Variants in RGL1 observed in about 807,000 individuals in gnomAD.
The protein encoded by RGL1 is ral guanine nucleotide dissociation stimulator like 1, also known as ral guanine nucleotide dissociation stimulator-like 1.
In RGL1, 24 loss-of-function variants were observed where a neutral mutation model predicts 95.2. The observed-to-expected ratio is 0.25, with a 90% CI of 0.18 to 0.35. The LOEUF (loss-of-function observed/expected upper bound fraction) is 0.35, where lower values mean the gene tolerates loss of function less well. Ranked by LOEUF, RGL1 falls within the 10% of genes least tolerant of loss-of-function variation. RGL1 has a pLI of 1.00. For synonymous variants in RGL1, 329 were observed against 344.9 expected (o/e 0.95, Z 0.51); for missense variants, 715 against 936.3 (o/e 0.76, Z 3.08).
chr1:183,676,093 G>A (rs959876195), intron 1 of RGL1, among the ~76,000 whole-genome samples: 1 of 152,148 alleles, frequency 6.6e-6, no homozygotes, highest in Non-Finnish European at 1.5e-5. Flanking sequence ...GTTGCAATAA[G>A]CTGTGATTGC....
chr1:183,822,516 T>C (rs1662559154), intron 2 of RGL1, among the ~76,000 whole-genome samples: 1 of 152,174 alleles, frequency 6.6e-6, no homozygotes, highest in South Asian at 2.1e-4. Flanking sequence ...CTTTTGCCTC[T>C]ACTTTGCTTG....
rs540864719 is a variant in RGL1, at chr1:183,829,017, C to T, written c.139-18549C>T. Among the ~76,000 whole-genome samples the T allele has an allele frequency of 1.3e-4, 20 of 152,254 alleles. 1 individual carries two copies. Among genetic ancestry groups the T allele is most frequent in the African/African-American group, 4.6e-4 (19 of 41,544 alleles). ...ATAGGAATTTCTCTAATATTGTTAC[C>T]ATGGTTCTTAATCATCAATGCTTGT... On this transcript the variant is annotated intron_variant, in intron 2 of 17. Transcript: ENST00000360851.
intron 1 of RGL1, among the ~76,000 whole-genome samples, chr1:183,673,813 A>C (rs1341254762): frequency 6.6e-6 from 1 of 152,148 alleles, no homozygotes; most frequent in Non-Finnish European, 1.5e-5. Flanking sequence ...TGCCTAAACC[A>C]AGTGTGAACT....
chr1:183,915,407 C>G (rs1668900293), intron 15 of RGL1, among the ~76,000 whole-genome samples: 2 of 152,064 alleles, frequency 1.3e-5, no homozygotes, highest in South Asian at 4.1e-4. Context: ...GTACCTCTTC[C>G]AATAACTTCT....
chr1:183,855,551 G>A (rs542088826), intron 3 of RGL1, among the ~76,000 whole-genome samples: 1 of 152,178 alleles, frequency 6.6e-6, no homozygotes, highest in Non-Finnish European at 1.5e-5. Context: ...TTCAGTAAGA[G>A]GCAAGGTTTC....
chr1:183,883,943 C>A, intron 6 of RGL1, 33 bp downstream of exon 6: 4 of 1,610,218 alleles, frequency 2.5e-6, no homozygotes, highest in South Asian at 1.1e-5. Context: ...GATGTACTTT[C>A]ACTTAAAACA....
intron 2 of RGL1, among the ~76,000 whole-genome samples, chr1:183,838,541 G>A (rs1039854648): frequency 6.6e-5 from 10 of 152,298 alleles, no homozygotes; most frequent in Admixed American, 3.3e-4. Context: ...CTTGGGGCTC[G>A]TGTAGTTTTT....
chr1:183,918,959 T>G (rs908526481), intron 16 of RGL1, among the ~76,000 whole-genome samples: 18 of 152,182 alleles, frequency 1.2e-4, no homozygotes, highest in African/African-American at 4.3e-4. Context: ...AATAAATCAG[T>G]CCAGGTTCAG....
At chr1:183,823,214 T>G (rs770074989) in intron 2 of RGL1, among the ~76,000 whole-genome samples, 3 of 152,200 alleles carry the variant, frequency 2.0e-5, no homozygotes, top group Non-Finnish European at 2.9e-5. Flanking sequence ...GTATGGAACT[T>G]AAATTAGGCC....
chr1:183,700,665 C>A (rs1572294316), intron 1 of RGL1, among the ~76,000 whole-genome samples: 1 of 151,848 alleles, frequency 6.6e-6, no homozygotes, highest in East Asian at 1.9e-4. Context: ...CCTGCCTCAG[C>A]CTCCTGAGTT....
intron 2 of RGL1, among the ~76,000 whole-genome samples, chr1:183,760,472 C>T (rs1658594535): frequency 6.6e-6 from 1 of 150,402 alleles, no homozygotes; most frequent in Non-Finnish European, 1.5e-5. Flanking sequence ...TGGCTCCCAC[C>T]AGTCATCCCA....
At chr1:183,817,248 C>T (rs1344051520) in intron 2 of RGL1, among the ~76,000 whole-genome samples, 1 of 152,192 alleles carries the variant, frequency 6.6e-6, no homozygotes, top group African/African-American at 2.4e-5. Flanking sequence ...AAAATGTAGA[C>T]ATTTAAAATA....
At chr1:183,800,792 T>C (rs1448003971), upstream of RGL1, among the ~76,000 whole-genome samples, 1 of 152,224 alleles carries the variant, frequency 6.6e-6, no homozygotes, top group African/African-American at 2.4e-5. Flanking sequence ...CTTAGAGTAA[T>C]GTCCTCAAGG....
At chr1:183,920,752 C>T (rs1669268858) in intron 16 of RGL1, among the ~76,000 whole-genome samples, 1 of 152,202 alleles carries the variant, frequency 6.6e-6, no homozygotes, top group South Asian at 2.1e-4. Context: ...TTTGTGTGCA[C>T]CTACTTTTCC....
At chr1:183,769,018 C>CA (rs1355166121) in intron 2 of RGL1, among the ~76,000 whole-genome samples, 1 of 152,142 alleles carries the variant, frequency 6.6e-6, no homozygotes, top group South Asian at 2.1e-4. Flanking sequence ...TAATGAACAT[C>CA]AAAAATGATT....
intron 2 of RGL1, among the ~76,000 whole-genome samples, chr1:183,785,458 C>T (rs988139410): frequency 6.6e-6 from 1 of 152,142 alleles, no homozygotes; most frequent in Non-Finnish European, 1.5e-5. Flanking sequence ...TGCTAAGGGC[C>T]ACATCCTGTG....
chr1:183,819,803 G>A (rs913332870), intron 2 of RGL1, among the ~76,000 whole-genome samples: 23 of 146,310 alleles, frequency 1.6e-4, no homozygotes, highest in Middle Eastern at 7.0e-3. Flanking sequence ...TTTTTTTTAA[G>A]AGACAGGGTC....
chr1:183,912,015 A>G, intron 14 of RGL1, 67 bp from the exon 15 acceptor site: 1 of 1,421,060 alleles, frequency 7.0e-7, no homozygotes, highest in South Asian at 1.3e-5. Flanking sequence ...TCAACACAAA[A>G]TATTTGCCTA....
At chr1:183,765,700 T>C (rs1023061303) in intron 2 of RGL1, among the ~76,000 whole-genome samples, 11 of 152,310 alleles carry the variant, frequency 7.2e-5, no homozygotes, top group African/African-American at 2.6e-4. Context: ...TCAGGAGTCC[T>C]TTTCATGAAC....
Sources: gnomAD v4.1 joint callset for allele counts (sites outside exome capture counted in the v4.1 genomes callset) on GRCh38, gnomAD v4.1.1 for gene constraint, MANE v1.5 for transcripts, NCBI Gene and HGNC (gene_info 2026-07-23, HGNC 2026-07-21) for gene names.